Variants in PAPPA observed in about 807,000 individuals in gnomAD.
PAPPA encodes the protein pappalysin-1.
A neutral mutation model predicts 164.0 loss-of-function variants in PAPPA; 60 were observed. That is an observed-to-expected ratio of 0.37 (90% confidence interval 0.30 to 0.45). PAPPA has a LOEUF of 0.45. Among genes scored for constraint, PAPPA ranks in the 20% least tolerant of loss-of-function variants. PAPPA has a pLI of 1.00. For synonymous variants in PAPPA, 875 were observed against 814.1 expected, an observed-to-expected ratio of 1.07 and a Z score of -1.27; for missense variants, 1,782 against 2,087.3, an observed-to-expected ratio of 0.85 and a Z score of 2.85.
intron 5 of PAPPA, among the ~76,000 whole-genome samples, chr9:116,225,207 A>G (rs1246366332): frequency 2.0e-5 from 3 of 152,234 alleles, no homozygotes; most frequent in Non-Finnish European, 4.4e-5. Context: ...GTCAGTCTAA[A>G]GCCAGTCATG....
chr9:116,314,829 A>G (rs903329640), intron 10 of PAPPA, among the ~76,000 whole-genome samples: 1 of 152,152 alleles, frequency 6.6e-6, no homozygotes, highest in Admixed American at 6.5e-5. Context: ...ACCTCAGCCC[A>G]TGAGCAGCCT....
At chr9:116,232,724 T>C (rs1034585056) in intron 6 of PAPPA, among the ~76,000 whole-genome samples, 8 of 152,230 alleles carry the variant, frequency 5.3e-5, no homozygotes, top group Admixed American at 2.6e-4. Flanking sequence ...TTGGTTATGG[T>C]TACACTTGGT....
At chr9:116,393,864 G>C (rs1211075590) in intron 21 of PAPPA, among the ~76,000 whole-genome samples, 1 of 152,162 alleles carries the variant, frequency 6.6e-6, no homozygotes, top group Non-Finnish European at 1.5e-5. Context: ...AGGAAACCAT[G>C]TAAGATCTGA....
chr9:116,195,487 T>G (rs1844093599), intron 2 of PAPPA, among the ~76,000 whole-genome samples: 1 of 152,156 alleles, frequency 6.6e-6, no homozygotes, highest in Non-Finnish European at 1.5e-5. Flanking sequence ...CATACTACAG[T>G]CAAGTCATTT....
At chr9:116,377,303 T>C (rs1184481931) in intron 19 of PAPPA, among the ~76,000 whole-genome samples, 1 of 152,094 alleles carries the variant, frequency 6.6e-6, no homozygotes, top group Non-Finnish European at 1.5e-5. Context: ...GCCTTTCTGA[T>C]CGTGTCTCTA....
chr9:116,235,197 A>C lies in PAPPA; in HGVS notation c.2292A>C (p.Ser764=), dbSNP rs757659073. 2.2e-5 allele frequency: 35 copies of C among 1,614,056 alleles called. No homozygotes were observed. The highest frequency in any genetic ancestry group is 2.6e-5 in the Non-Finnish European group (31 of 1,180,030). Residue 764 remains serine (S), a synonymous_variant, in exon 7 of 22, where the codon TCA becomes TCC. Transcript: ENST00000328252. Reference sequence around the variant, plus strand: ...GTGTCCGCACCTGGAGCCCAAATTCAGCTGTCAACCCACACACGGTTCCTC... The same window carrying C: ...GTGTCCGCACCTGGAGCCCAAATTCCGCTGTCAACCCACACACGGTTCCTC... ...KSSVRTWSPN[S]AVNPHTVPPA...
chr9:116,220,240 G>A, intron 5 of PAPPA, 111 bp downstream of exon 5: 1 of 798,294 alleles, frequency 1.3e-6, no homozygotes, highest in Non-Finnish European at 2.0e-6. Context: ...TCTTGTTCTT[G>A]TTCAAAAGGT....
Position 116,271,252 on chromosome 9 carries a change from GA to G in PAPPA, c.2862-72del. 1 of 992,892 alleles carries G rather than the reference GA, an allele frequency of 1.0e-6. No homozygotes were observed. The highest frequency in any genetic ancestry group is 2.4e-5 in the East Asian group (1 of 42,072). 61.5% of individuals were successfully genotyped at this position (992,892 alleles called of 1,614,324 possible). A position where few individuals can be genotyped will look rare whatever the true frequency, so the allele number is the denominator to read the frequency against. On this transcript the variant is annotated intron_variant, in intron 8 of 21. Transcript: ENST00000328252. This position sits in a 1 kb window ranked among gnomAD's most constrained non-coding sequence, Gnocchi z 4.2. Reference sequence around the variant, plus strand: ...TCTCACTGAAGGTTCATGGCCCAGGGAGGGACTTTTCCATGTCCAGCCATGG... The same window carrying G: ...TCTCACTGAAGGTTCATGGCCCAGGGGGGACTTTTCCATGTCCAGCCATGG...
At chr9:116,159,805 G>T (rs772726525) in intron 1 of PAPPA, among the ~76,000 whole-genome samples, 1 of 152,194 alleles carries the variant, frequency 6.6e-6, no homozygotes, top group Non-Finnish European at 1.5e-5. Flanking sequence ...CGGGAGTGTG[G>T]GTTGTGTATG....
At chr9:116,377,786 G>C in intron 20 of PAPPA, 139 bp downstream of exon 20, 1 of 634,248 alleles carries the variant, frequency 1.6e-6, no homozygotes, top group Admixed American at 2.8e-5. Context: ...TTCTTGGACA[G>C]GGATTAGCAG....
At chr9:116,241,052 A>G (rs1287575364) in intron 7 of PAPPA, among the ~76,000 whole-genome samples, 1 of 152,222 alleles carries the variant, frequency 6.6e-6, no homozygotes, top group African/African-American at 2.4e-5. Flanking sequence ...AATAGACATA[A>G]GGAAAGGAGA....
chr9:116,362,516 C>A, intron 17 of PAPPA, 76 bp from the exon 18 acceptor site: 2 of 1,462,618 alleles, frequency 1.4e-6, no homozygotes, highest in Non-Finnish European at 1.9e-6. Context: ...AAATTCTTTT[C>A]TGTTGTATTC....
At chr9:116,283,441 A>G (rs1845291274) in intron 9 of PAPPA, among the ~76,000 whole-genome samples, 1 of 152,126 alleles carries the variant, frequency 6.6e-6, no homozygotes, top group Non-Finnish European at 1.5e-5. Context: ...CACCAGTCCT[A>G]AAGGAAACTA....
intron 1 of PAPPA, among the ~76,000 whole-genome samples, chr9:116,182,780 T>C (rs1392759698): frequency 3.3e-5 from 5 of 152,186 alleles, no homozygotes; most frequent in Non-Finnish European, 7.3e-5. Context: ...CCAGCCTAGC[T>C]GCAGGAAGAT....
intron 2 of PAPPA, among the ~76,000 whole-genome samples, chr9:116,190,601 G>A (rs910496056): frequency 3.3e-5 from 5 of 152,302 alleles, no homozygotes; most frequent in Middle Eastern, 3.4e-3. Flanking sequence ...GGAGAGTGGC[G>A]CTACTAAAGT....
In PAPPA at chr9:116,192,230, T is replaced by C. The variant is rs1844051791; in HGVS notation, c.1478+4014T>C. Among the ~76,000 whole-genome samples, 3 of 151,720 alleles carry C rather than the reference T, an allele frequency of 2.0e-5. 1 individual carries two copies. In the South Asian group the frequency reaches 6.3e-4, roughly 32 times the overall value. ...CAAGGACACAGAGCAGGGTGGGGAG[T>C]GGACCTGCATTAGCAAGCAGAGAAT... On this transcript the variant is annotated intron_variant, in intron 2 of 21. Transcript: ENST00000328252.
intron 5 of PAPPA, among the ~76,000 whole-genome samples, chr9:116,221,347 A>G (rs996953664): frequency 4.6e-5 from 7 of 152,224 alleles, no homozygotes; most frequent in Non-Finnish European, 4.4e-5. Context: ...GGGATGCTTC[A>G]TCTAGTAATG....
chr9:116,208,410 C>G (rs1844264565), intron 3 of PAPPA, among the ~76,000 whole-genome samples: 1 of 152,138 alleles, frequency 6.6e-6, no homozygotes, highest in Non-Finnish European at 1.5e-5. Flanking sequence ...TCCTTAACTT[C>G]CCACCCATAT....
At chr9:116,230,642 C>G (rs1421464239) in intron 6 of PAPPA, among the ~76,000 whole-genome samples, 2 of 152,158 alleles carry the variant, frequency 1.3e-5, no homozygotes, top group East Asian at 3.9e-4. Flanking sequence ...TTTAACAAAT[C>G]TTTATTGGAA....
Sources: gnomAD v4.1 joint callset for allele counts (sites outside exome capture counted in the v4.1 genomes callset) on GRCh38, gnomAD v4.1.1 for gene constraint, Gnocchi (gnomAD v3.1) non-coding constraint, MANE v1.5 for transcripts, NCBI Gene and HGNC (gene_info 2026-07-23, HGNC 2026-07-21) for gene names.